The following TENM3 variants were observed in gnomAD, a reference collection of about 807,000 sequenced individuals.
TENM3 encodes teneurin transmembrane protein 3.
A neutral mutation model predicts 255.1 loss-of-function variants in TENM3; 63 were observed. The observed-to-expected ratio is 0.25, with a 90% CI of 0.20 to 0.30. The LOEUF (loss-of-function observed/expected upper bound fraction) is 0.30, where lower values mean the gene tolerates loss of function less well. Ranked by LOEUF, TENM3 falls within the 10% of genes least tolerant of loss-of-function variation. The pLI is 1.00. For synonymous variants in TENM3, 1,306 were observed against 1,322.3 expected, an observed-to-expected ratio of 0.99 and a Z score of 0.27; for missense variants, 2,929 against 3,461.1, an observed-to-expected ratio of 0.85 and a Z score of 3.86.
At chr4:181,795,399 C>G in the TENM3 span, among the ~76,000 whole-genome samples, 1 of 152,086 alleles carries the variant, frequency 6.6e-6, no homozygotes, top group Admixed American at 6.6e-5. Flanking sequence ...TAATCCTGTT[C>G]ACAAGGGCCC....
At chr4:181,662,317 T>C in the TENM3 span, among the ~76,000 whole-genome samples, 4 of 152,236 alleles carry the variant, frequency 2.6e-5, no homozygotes, top group African/African-American at 9.6e-5. Context: ...ACAAATGGGC[T>C]AAAATAAATG....
the TENM3 span, among the ~76,000 whole-genome samples, chr4:181,605,566 GAAA>G: frequency 3.5e-5 from 1 of 28,554 alleles, no homozygotes; most frequent in Non-Finnish European, 1.1e-4. Context: ...AAGAAAGAAA[GAAA>G]GAGAGAGAAA....
chr4:182,585,281 G>C (rs1286077369), intron 3 of TENM3, among the ~76,000 whole-genome samples: 1 of 152,142 alleles, frequency 6.6e-6, no homozygotes, highest in African/African-American at 2.4e-5. Flanking sequence ...TACTAAGTTT[G>C]GGACAGGGAG....
the TENM3 span, among the ~76,000 whole-genome samples, chr4:181,707,115 G>C: frequency 6.6e-6 from 1 of 152,184 alleles, no homozygotes; most frequent in Non-Finnish European, 1.5e-5. Context: ...GGCTCTTAGA[G>C]CCCAGCAGAA....
At chr4:181,540,792 C>T in the TENM3 span, among the ~76,000 whole-genome samples, 1 of 151,914 alleles carries the variant, frequency 6.6e-6, no homozygotes, top group African/African-American at 2.4e-5. Flanking sequence ...GGACGTGATG[C>T]CTAAATGCAA....
the TENM3 span, among the ~76,000 whole-genome samples, chr4:181,655,107 A>G: frequency 1.3e-5 from 2 of 152,210 alleles, no homozygotes; most frequent in Non-Finnish European, 2.9e-5. Flanking sequence ...CAATCATGGG[A>G]CGAGCTATTG....
chr4:181,569,481 G>T, the TENM3 span, among the ~76,000 whole-genome samples: 1 of 152,116 alleles, frequency 6.6e-6, no homozygotes, highest in Non-Finnish European at 1.5e-5. Flanking sequence ...TCATGGTAAG[G>T]TTCAGCCCAT....
intron 3 of TENM3, among the ~76,000 whole-genome samples, chr4:182,354,571 T>C (rs1765399002): frequency 6.6e-6 from 1 of 150,610 alleles, no homozygotes; most frequent in South Asian, 2.1e-4. Flanking sequence ...TCTCAAATCA[T>C]AATAATTCTG....
the TENM3 span, among the ~76,000 whole-genome samples, chr4:182,022,069 A>G: frequency 6.6e-6 from 1 of 152,058 alleles, no homozygotes; most frequent in African/African-American, 2.4e-5. Flanking sequence ...AGATTGTTCC[A>G]CCAAATTGTT....
chr4:181,745,474 A>ATG, the TENM3 span, among the ~76,000 whole-genome samples: 5 of 152,194 alleles, frequency 3.3e-5, no homozygotes, highest in African/African-American at 9.6e-5. Context: ...TTTGTTAGGA[A>ATG]TGATTCCATT....
rs371962435 is a variant in TENM3, at chr4:182,680,439, G to C, written c.1639+90G>C. The C allele has an allele frequency of 4.0e-4, 570 of 1,417,082 alleles. 4 individuals are homozygous for C. The African/African-American group carries it at 6.3e-3, about 16-fold the overall frequency. 87.8% of individuals were successfully genotyped at this position (1,417,082 alleles called of 1,614,324 possible). ...AAAACTACCGAGACAGGAAAGAAAG[G>C]GGGGGGGAGACTGGCATATTGCTTG... On this transcript the variant is annotated intron_variant, in intron 9 of 27. Transcript: ENST00000511685.
chr4:182,510,961 G>T (rs1737333115), intron 3 of TENM3, among the ~76,000 whole-genome samples: 1 of 152,184 alleles, frequency 6.6e-6, no homozygotes, highest in Non-Finnish European at 1.5e-5. Context: ...GAGAGATGAG[G>T]CATTAGCCAA....
At chr4:181,806,330 C>T in the TENM3 span, among the ~76,000 whole-genome samples, 1 of 152,274 alleles carries the variant, frequency 6.6e-6, no homozygotes, top group African/African-American at 2.4e-5. Context: ...TAATTCTGCC[C>T]TTTATTTCCT....
chr4:182,364,170 G>A (rs563237138), intron 3 of TENM3, among the ~76,000 whole-genome samples: 3 of 151,892 alleles, frequency 2.0e-5, no homozygotes, highest in Non-Finnish European at 2.9e-5. Context: ...GGATACGACA[G>A]ATGTGATAAA....
chr4:181,896,388 G>A, the TENM3 span, among the ~76,000 whole-genome samples: 1 of 152,096 alleles, frequency 6.6e-6, no homozygotes, highest in Admixed American at 6.6e-5. Flanking sequence ...ATTAAACTTT[G>A]TGATTCTGAG....
chr4:181,596,605 A>T, the TENM3 span, among the ~76,000 whole-genome samples: 1 of 152,236 alleles, frequency 6.6e-6, no homozygotes, highest in Non-Finnish European at 1.5e-5. Context: ...GTAGCTAAAA[A>T]AAAGAACTAT....
the TENM3 span, among the ~76,000 whole-genome samples, chr4:182,038,529 T>C: frequency 6.6e-6 from 1 of 152,264 alleles, no homozygotes; most frequent in African/African-American, 2.4e-5. Context: ...GTGGCAGAGT[T>C]AGAGTCTGTT....
intron 1 of TENM3, among the ~76,000 whole-genome samples, chr4:182,257,663 T>TC (rs1349756131): frequency 6.6e-6 from 1 of 152,038 alleles, no homozygotes; most frequent in Non-Finnish European, 1.5e-5. Context: ...GGGACCGGAA[T>TC]CGCCAAGAAC....
the TENM3 span, among the ~76,000 whole-genome samples, chr4:181,822,849 G>A: frequency 3.9e-5 from 6 of 152,096 alleles, no homozygotes. Context: ...AATAAAAGGG[G>A]AGCTGTACTA....
Sources: allele counts gnomAD v4.1 joint callset (sites outside exome capture counted in the v4.1 genomes callset), GRCh38; gene constraint gnomAD v4.1.1; transcripts MANE v1.5; gene names NCBI Gene and HGNC (gene_info 2026-07-23, HGNC 2026-07-21).